The following ITPR1 variants were observed in gnomAD, a reference collection of about 807,000 sequenced individuals.
The protein encoded by ITPR1 is inositol 1,4,5-trisphosphate receptor type 1.
A neutral mutation model predicts 318.4 loss-of-function variants in ITPR1; 96 were observed. The ratio of observed to expected loss-of-function variants is 0.30; its 90% confidence interval spans 0.26 to 0.36. The LOEUF (loss-of-function observed/expected upper bound fraction) is 0.36. Among genes scored for constraint, ITPR1 ranks in the 10% least tolerant of loss-of-function variants. ITPR1 has a pLI of 1.00. For synonymous variants in ITPR1, 1,312 were observed against 1,289.9 expected (o/e 1.02, Z -0.37); for missense variants, 2,440 against 3,460.2 (o/e 0.71, Z 7.40).
intron 53 of ITPR1, among the ~76,000 whole-genome samples, chr3:4,796,188 A>C (rs1192149930): frequency 6.6e-6 from 1 of 152,170 alleles, no homozygotes; most frequent in Non-Finnish European, 1.5e-5. Flanking sequence ...TTATATGCCT[A>C]AGTTACCCTT....
In ITPR1 at chr3:4,542,405, A is replaced by T. The variant is rs1473981034; in HGVS notation, c.163+21311A>T. ...TGTTTCCTTTTGCCAGTTGCCAGAG[A>T]TGCTGCCAACTCAAGACTATTTAAA... On this transcript the variant is annotated intron_variant, in intron 4 of 61. Transcript: ENST00000649015. Among the ~76,000 whole-genome samples, 7 of 152,182 alleles carry T rather than the reference A, an allele frequency of 4.6e-5. No individual in the cohort carries two copies. The East Asian group carries it at 1.3e-3, about 29-fold the overall frequency.
intron 22 of ITPR1, among the ~76,000 whole-genome samples, 183 bp downstream of exon 22, chr3:4,674,526 T>A (rs1259856667): frequency 6.6e-6 from 1 of 152,218 alleles, no homozygotes; most frequent in African/African-American, 2.4e-5. Context: ...GTCACATGGC[T>A]TAATAGTAGT....
chr3:4,775,129 C>G (rs529255650), intron 46 of ITPR1, 113 bp from the exon 47 acceptor site: 3 of 796,780 alleles, frequency 3.8e-6, no homozygotes, highest in Non-Finnish European at 6.6e-6. Context: ...TCCCACGTGG[C>G]ATCTCTCTGT....
chr3:4,535,156 C>T (rs1295823395), intron 4 of ITPR1, among the ~76,000 whole-genome samples: 1 of 152,074 alleles, frequency 6.6e-6, no homozygotes, highest in Non-Finnish European at 1.5e-5. Flanking sequence ...AGGGAGGAAA[C>T]CCACAGTGCT....
At chr3:4,695,461 C>T (rs1195949173) in intron 33 of ITPR1, among the ~76,000 whole-genome samples, 1 of 152,074 alleles carries the variant, frequency 6.6e-6, no homozygotes, top group African/African-American at 2.4e-5. Flanking sequence ...ACTGCAAGAA[C>T]GATAGAACGA....
At chr3:4,737,872 G>A (rs1042996219) in intron 44 of ITPR1, among the ~76,000 whole-genome samples, 1 of 152,202 alleles carries the variant, frequency 6.6e-6, no homozygotes, top group Non-Finnish European at 1.5e-5. Context: ...TTACATGACT[G>A]TGCACATGTT....
chr3:4,591,257 TG>T (rs1466611849), intron 4 of ITPR1, among the ~76,000 whole-genome samples: 1 of 152,354 alleles, frequency 6.6e-6, no homozygotes, highest in East Asian at 1.9e-4. Context: ...ATGGGATTGC[TG>T]GGTGGAATGG....
At chr3:4,633,443 C>A (rs891924061) in intron 5 of ITPR1, among the ~76,000 whole-genome samples, 1 of 152,136 alleles carries the variant, frequency 6.6e-6, no homozygotes, top group Non-Finnish European at 1.5e-5. Flanking sequence ...TTTTATTTTT[C>A]TCAACTACTA....
At chr3:4,659,255 C>T (rs1226672467) in intron 13 of ITPR1, among the ~76,000 whole-genome samples, 1 of 152,174 alleles carries the variant, frequency 6.6e-6, no homozygotes, top group African/African-American at 2.4e-5. Flanking sequence ...AGACAAGTCT[C>T]TGGTCACACA....
chr3:4,724,153 C>T (rs2042348709), intron 40 of ITPR1, among the ~76,000 whole-genome samples: 2 of 152,182 alleles, frequency 1.3e-5, no homozygotes, highest in African/African-American at 4.8e-5. Context: ...AGTTTTCTCC[C>T]TGAGATTAGT....
At chr3:4,503,675 CA>C (rs2081196563) in intron 2 of ITPR1, among the ~76,000 whole-genome samples, 1 of 152,058 alleles carries the variant, frequency 6.6e-6, no homozygotes, top group South Asian at 2.1e-4. Context: ...GATAGCCCCC[CA>C]CTCCCCTGCC....
chr3:4,788,472 G>A (rs1365423706), intron 52 of ITPR1, among the ~76,000 whole-genome samples: 1 of 152,240 alleles, frequency 6.6e-6, no homozygotes, highest in African/African-American at 2.4e-5. Flanking sequence ...TGAGCTCACA[G>A]GGTGGTTCAC....
At chr3:4,843,074 GTTTTTTTTT>G in intron 61 of ITPR1, among the ~76,000 whole-genome samples, 1 of 105,450 alleles carries the variant, frequency 9.5e-6, no homozygotes. Context: ...GTTTTGAGGG[GTTTTTTTTT>G]TTTTTTTTTT....
rs577565787 is a variant in ITPR1 at position 4,531,698 on chromosome 3, A to G, written c.163+10604A>G. ...CTTGCTCTGTACTCTGGGACTTTGCATGTCCTGTTTCTTCTGCCTGAAATG... is the reference window on the plus strand; with the variant it reads ...CTTGCTCTGTACTCTGGGACTTTGCGTGTCCTGTTTCTTCTGCCTGAAATG... On this transcript the variant is annotated intron_variant, in intron 4 of 61. Coordinates refer to ENST00000649015, the MANE Select transcript of ITPR1 (RefSeq NM_001378452.1). Among the ~76,000 whole-genome samples the G allele has an allele frequency of 2.6e-5, 4 of 152,216 alleles. No homozygotes were observed. In the South Asian group the frequency reaches 8.3e-4, roughly 32 times the overall value.
chr3:4,812,878 T>C (rs2049030760), intron 56 of ITPR1, among the ~76,000 whole-genome samples: 1 of 152,216 alleles, frequency 6.6e-6, no homozygotes, highest in Non-Finnish European at 1.5e-5. Flanking sequence ...TCTAAGAGTT[T>C]CAGCTGTTTG....
At chr3:4,709,079 G>A (rs1403221012) in intron 37 of ITPR1, among the ~76,000 whole-genome samples, 1 of 152,218 alleles carries the variant, frequency 6.6e-6, no homozygotes, top group Non-Finnish European at 1.5e-5. Flanking sequence ...CGTAGACAAA[G>A]ATTTGCCAGA....
intron 60 of ITPR1, among the ~76,000 whole-genome samples, chr3:4,827,912 G>A (rs899054305): frequency 2.6e-5 from 4 of 152,076 alleles, no homozygotes; most frequent in African/African-American, 4.8e-5. Context: ...GTCAATAACA[G>A]TGCTGGTACC....
chr3:4,496,796 A>G (rs746809516), intron 2 of ITPR1, among the ~76,000 whole-genome samples: 1 of 152,236 alleles, frequency 6.6e-6, no homozygotes, highest in South Asian at 2.1e-4. Context: ...ATTTATAAAG[A>G]TATCATGGAA....
At chr3:4,550,177 G>C (rs748807644) in intron 4 of ITPR1, among the ~76,000 whole-genome samples, 13 of 149,218 alleles carry the variant, frequency 8.7e-5, no homozygotes, top group Non-Finnish European at 1.5e-4. Flanking sequence ...TTAATTTCTG[G>C]CTATTAAAAG....
Sources: allele counts gnomAD v4.1 joint callset (sites outside exome capture counted in the v4.1 genomes callset), GRCh38; gene constraint gnomAD v4.1.1; transcripts MANE v1.5; gene names NCBI Gene and HGNC (gene_info 2026-07-23, HGNC 2026-07-21).